FAF1: variants seen among roughly 807,000 people sequenced by gnomAD.
The protein encoded by FAF1 is FAS-associated factor 1.
In FAF1, 25 loss-of-function variants were observed where a neutral mutation model predicts 92.5. The ratio of observed to expected loss-of-function variants is 0.27; its 90% confidence interval spans 0.20 to 0.38. The LOEUF (loss-of-function observed/expected upper bound fraction) is 0.38. Ranked by LOEUF, FAF1 falls within the 10% of genes least tolerant of loss-of-function variation. The pLI is 1.00. For missense variants in FAF1, 636 were observed against 793.3 expected, an observed-to-expected ratio of 0.80 and a Z score of 2.38; for synonymous variants, 234 against 273.2, an observed-to-expected ratio of 0.86 and a Z score of 1.42.
intron 13 of FAF1, among the ~76,000 whole-genome samples, chr1:50,563,261 C>T (rs183075477): frequency 7.6e-4 from 115 of 152,120 alleles, no homozygotes; most frequent in Admixed American, 7.5e-3. Flanking sequence ...AACTACTGGT[C>T]AAACCAATAT....
At chr1:50,686,132 C>G (rs935849086) in intron 7 of FAF1, among the ~76,000 whole-genome samples, 31 of 152,306 alleles carry the variant, frequency 2.0e-4, no homozygotes, top group African/African-American at 7.5e-4. Context: ...AATAGTACCA[C>G]TGTCTATATT....
intron 1 of FAF1, among the ~76,000 whole-genome samples, chr1:50,908,630 C>T (rs944283452): frequency 4.6e-5 from 7 of 151,988 alleles, no homozygotes; most frequent in African/African-American, 1.7e-4. Context: ...TATGTAATGG[C>T]CTTCTTTGTC....
intron 6 of FAF1, among the ~76,000 whole-genome samples, chr1:50,724,810 G>A (rs946390515): frequency 6.6e-6 from 1 of 152,188 alleles, no homozygotes; most frequent in African/African-American, 2.4e-5. Flanking sequence ...AGTTCACTAA[G>A]TTCTCTACCA....
chr1:50,873,129 T>C lies in FAF1; in HGVS notation c.46-15132A>G, dbSNP rs565288725. Among the ~76,000 whole-genome samples, 6 of 152,296 alleles carry C rather than the reference T, an allele frequency of 3.9e-5. No individual in the cohort carries two copies. In the South Asian group the frequency reaches 1.2e-3, roughly 32 times the overall value. ...ACTTGCTGAAGGCTCAGGTGATAAT[T>C]AGCATTTTTTTTAACAATAAAGTGT... On this transcript the variant is annotated intron_variant, in intron 1 of 18. Transcript: ENST00000396153.
chr1:50,449,556 C>T (rs1011038039), intron 18 of FAF1, among the ~76,000 whole-genome samples: 5 of 140,290 alleles, frequency 3.6e-5, no homozygotes, highest in Non-Finnish European at 6.0e-5. Flanking sequence ...GTAGCATGAT[C>T]TCGGCTCACT....
intron 7 of FAF1, among the ~76,000 whole-genome samples, chr1:50,670,078 G>A (rs567126893): frequency 8.9e-5 from 13 of 146,014 alleles, no homozygotes; most frequent in East Asian, 4.0e-4. Flanking sequence ...CCGAGATTGC[G>A]CCATTGCACT....
intron 12 of FAF1, among the ~76,000 whole-genome samples, chr1:50,568,902 G>A (rs1650296373): frequency 6.6e-6 from 1 of 152,076 alleles, no homozygotes; most frequent in Non-Finnish European, 1.5e-5. Flanking sequence ...CAGGACTCCT[G>A]GGTATAAGTA....
chr1:50,778,089 T>C (rs1661029549), intron 4 of FAF1, among the ~76,000 whole-genome samples: 1 of 152,168 alleles, frequency 6.6e-6, no homozygotes, highest in Admixed American at 6.5e-5. Flanking sequence ...TTTCATATAA[T>C]AGAATTCTAC....
intron 18 of FAF1, among the ~76,000 whole-genome samples, chr1:50,456,365 C>T (rs181797259): frequency 6.6e-6 from 1 of 152,242 alleles, no homozygotes; most frequent in Admixed American, 6.5e-5. Flanking sequence ...TGCTTGAGTT[C>T]TAGAAACTCC....
intron 8 of FAF1, among the ~76,000 whole-genome samples, chr1:50,636,966 CTT>C (rs952024324): frequency 4.6e-5 from 7 of 152,094 alleles, no homozygotes; most frequent in African/African-American, 1.7e-4. Context: ...CACCGCATTA[CTT>C]TGTTATCTTT....
At chr1:50,519,209 A>T (rs1647358466) in intron 15 of FAF1, among the ~76,000 whole-genome samples, 1 of 151,922 alleles carries the variant, frequency 6.6e-6, no homozygotes, top group Non-Finnish European at 1.5e-5. Flanking sequence ...GGGCACCTGA[A>T]ATCCCAGCTA....
Position 50,801,621 on chromosome 1 carries a change from T to C in FAF1, c.161+10A>G. The C allele has an allele frequency of 6.6e-7, 1 of 1,511,746 alleles. No homozygotes were observed. 93.6% of individuals were successfully genotyped at this position (1,511,746 alleles called of 1,614,324 possible). On this transcript the variant is annotated intron_variant, in intron 3 of 18. Transcript: ENST00000396153. ...AAGTCATCTTAACTGGTAAGCACTT[T>C]ATAACATACCTTTGTAGAATGCCAT...
intron 3 of FAF1, among the ~76,000 whole-genome samples, chr1:50,794,872 G>C (rs1661690017): frequency 6.6e-6 from 1 of 150,756 alleles, no homozygotes; most frequent in Admixed American, 6.7e-5. Context: ...CCTGACCTCA[G>C]GCGATCCACC....
chr1:50,612,329 A>G, intron 8 of FAF1: 1 of 1,228,876 alleles, frequency 8.1e-7, no homozygotes, highest in Non-Finnish European at 1.1e-6. Flanking sequence ...AGGTTATTTT[A>G]CCTCAAGCAG....
chr1:50,902,840 C>T (rs7525655), intron 1 of FAF1, among the ~76,000 whole-genome samples: 34,947 of 151,616 alleles, frequency 0.23, 4,471 homozygotes, highest in Middle Eastern at 0.44. Context: ...GGTTTTCTCC[C>T]GAATATTTTC....
chr1:50,480,069 A>G (rs1040096286), intron 17 of FAF1, among the ~76,000 whole-genome samples: 4 of 152,216 alleles, frequency 2.6e-5, no homozygotes, highest in Admixed American at 2.0e-4. Context: ...CTCAACAAAT[A>G]TAGTTTATTT....
At chr1:50,860,849 T>C (rs1042842331) in intron 1 of FAF1, among the ~76,000 whole-genome samples, 4 of 151,824 alleles carry the variant, frequency 2.6e-5, no homozygotes, top group African/African-American at 7.3e-5. Context: ...CCATCAACAA[T>C]GGACTGGATA....
chr1:50,485,698 C>CA (rs1205099006), intron 17 of FAF1, among the ~76,000 whole-genome samples: 43 of 115,892 alleles, frequency 3.7e-4, no homozygotes, highest in Non-Finnish European at 5.7e-4. Flanking sequence ...AAAAAAAAAC[C>CA]AAAAAAACAA....
intron 8 of FAF1, among the ~76,000 whole-genome samples, chr1:50,615,520 A>C (rs1569585617): frequency 6.6e-6 from 1 of 152,334 alleles, no homozygotes; most frequent in South Asian, 2.1e-4. Context: ...TTTTCTATGC[A>C]GTCTTGCCAG....
Sources: gnomAD v4.1 joint callset for allele counts (sites outside exome capture counted in the v4.1 genomes callset) on GRCh38, gnomAD v4.1.1 for gene constraint, MANE v1.5 for transcripts, NCBI Gene and HGNC (gene_info 2026-07-23, HGNC 2026-07-21) for gene names.